Variants in ENOX1 observed in about 807,000 individuals in gnomAD.
ENOX1 encodes candidate growth-related and time keeping constitutive hydroquinone (NADH) oxidase.
Under a neutral mutation model 82.5 loss-of-function variants are expected in ENOX1, and 42 were observed. That is an observed-to-expected ratio of 0.51 (90% CI 0.40 to 0.66). ENOX1 has a LOEUF of 0.66. ENOX1 is among the 30% of genes least tolerant of loss of function. The pLI, the probability that ENOX1 is intolerant of heterozygous loss-of-function variation, is 0.00. For missense variants in ENOX1, 608 were observed against 811.6 expected (o/e 0.75, Z 3.05); for synonymous variants, 271 against 282.2 (o/e 0.96, Z 0.40).
Position 43,635,424 on chromosome 13 carries a change from A to G in ENOX1, c.-219+32055T>C, listed in dbSNP as rs79298668. Among the ~76,000 whole-genome samples, 427 of 152,342 alleles carry G rather than the reference A, an allele frequency of 2.8e-3. 3 individuals carry two copies. The highest frequency in any genetic ancestry group is 0.01 in the African/African-American group (416 of 41,566). On this transcript the variant is annotated intron_variant, in intron 2 of 16. Transcript: ENST00000690772. ...AAAAAGCAAAGCCACAATTGTATTA[A>G]TTACTCAGCACCCGGTGCTGTTTCC...
intron 1 of ENOX1, among the ~76,000 whole-genome samples, chr13:43,737,983 T>C (rs2089714960): frequency 6.6e-6 from 1 of 152,194 alleles, no homozygotes; most frequent in African/African-American, 2.4e-5. Flanking sequence ...TTTAAACCAT[T>C]TTTGTGTCCT....
At chr13:43,661,564 G>A (rs951249743) in intron 2 of ENOX1, among the ~76,000 whole-genome samples, 1 of 152,194 alleles carries the variant, frequency 6.6e-6, no homozygotes, top group South Asian at 2.1e-4. Flanking sequence ...AATGTAATCT[G>A]CCAATACTGT....
intron 2 of ENOX1, among the ~76,000 whole-genome samples, chr13:43,653,373 C>T (rs1247078458): frequency 1.3e-5 from 2 of 152,186 alleles, no homozygotes; most frequent in Non-Finnish European, 2.9e-5. Flanking sequence ...ATCTACCTTC[C>T]TGGTTGAGAG....
At chr13:43,489,441 G>C (rs191082270) in intron 2 of ENOX1, among the ~76,000 whole-genome samples, 38 of 152,310 alleles carry the variant, frequency 2.5e-4, no homozygotes, top group African/African-American at 8.9e-4. Flanking sequence ...CTTCCGCCTA[G>C]ATTTCAAAGG....
intron 2 of ENOX1, among the ~76,000 whole-genome samples, chr13:43,604,846 GA>G (rs1172415881): frequency 6.6e-6 from 1 of 152,140 alleles, no homozygotes. Flanking sequence ...GGTTGCAGAT[GA>G]TCTGATATTT....
intron 3 of ENOX1, among the ~76,000 whole-genome samples, chr13:43,422,180 T>A (rs553323720): frequency 1.3e-5 from 2 of 152,262 alleles, no homozygotes; most frequent in South Asian, 4.1e-4. Flanking sequence ...ACTTAACAAG[T>A]CACCCTCTAA....
At chr13:43,287,683 G>C (rs548372693) in intron 12 of ENOX1, among the ~76,000 whole-genome samples, 2 of 152,134 alleles carry the variant, frequency 1.3e-5, no homozygotes, top group South Asian at 2.1e-4. Flanking sequence ...TACTCAGTGG[G>C]CCATCCTCAC....
At chr13:43,690,973 G>C (rs1396377951) in intron 1 of ENOX1, among the ~76,000 whole-genome samples, 1 of 152,190 alleles carries the variant, frequency 6.6e-6, no homozygotes, top group African/African-American at 2.4e-5. Context: ...TTGTTCAAAA[G>C]AGTATGTGAA....
At chr13:43,576,491 T>C (rs745923498) in intron 2 of ENOX1, among the ~76,000 whole-genome samples, 3 of 152,196 alleles carry the variant, frequency 2.0e-5, no homozygotes, top group Non-Finnish European at 4.4e-5. Context: ...CATGTAGCTA[T>C]TGAGCATTTA....
chr13:43,610,028 T>G, intron 2 of ENOX1: 1 of 289,904 alleles, frequency 3.4e-6, no homozygotes, highest in Middle Eastern at 1.7e-3. Context: ...CACCTTCTCA[T>G]AAGTATAAAA....
intron 11 of ENOX1, among the ~76,000 whole-genome samples, chr13:43,314,234 T>A (rs1323659900): frequency 1.3e-5 from 2 of 152,230 alleles, no homozygotes; most frequent in East Asian, 3.8e-4. Flanking sequence ...GAAGGGTCTC[T>A]AAGCCATTTA....
At chr13:43,740,480 A>T (rs1204441668) in intron 1 of ENOX1, among the ~76,000 whole-genome samples, 3 of 149,222 alleles carry the variant, frequency 2.0e-5, no homozygotes, top group East Asian at 1.9e-4. Flanking sequence ...AACATTTTTT[A>T]TTTTTTTTTA....
At chr13:43,670,030 A>G (rs957646491) in intron 1 of ENOX1, among the ~76,000 whole-genome samples, 7 of 152,068 alleles carry the variant, frequency 4.6e-5, no homozygotes, top group African/African-American at 7.2e-5. Flanking sequence ...CTTTCTGCAT[A>G]TCCCCCAAAC....
At chr13:43,501,792 CA>C (rs201805701) in intron 2 of ENOX1, among the ~76,000 whole-genome samples, 27 of 125,602 alleles carry the variant, frequency 2.1e-4, no homozygotes, top group East Asian at 1.1e-3. Context: ...CCTACCTTAA[CA>C]AAAAAAAAAA....
intron 3 of ENOX1, among the ~76,000 whole-genome samples, chr13:43,453,077 G>T (rs2057050517): frequency 6.6e-6 from 1 of 152,170 alleles, no homozygotes; most frequent in Non-Finnish European, 1.5e-5. Context: ...ATCATTATTT[G>T]TGGACTTCCT....
chr13:43,570,276 A>C, intron 2 of ENOX1, among the ~76,000 whole-genome samples: 1 of 152,156 alleles, frequency 6.6e-6, no homozygotes, highest in South Asian at 2.1e-4. Flanking sequence ...TAGAGTTAGG[A>C]AAGGGGTTTG....
intron 5 of ENOX1, among the ~76,000 whole-genome samples, chr13:43,386,615 G>T (rs1355563151): frequency 6.6e-6 from 1 of 152,154 alleles, no homozygotes; most frequent in Non-Finnish European, 1.5e-5. Flanking sequence ...ACCCATTGTT[G>T]ACTTGGATGT....
At chr13:43,338,409 C>T (rs537221705) in intron 9 of ENOX1, among the ~76,000 whole-genome samples, 10 of 152,220 alleles carry the variant, frequency 6.6e-5, no homozygotes, top group African/African-American at 2.4e-4. Flanking sequence ...TAAGAAATGA[C>T]ATAAAGATGA....
intron 16 of ENOX1, among the ~76,000 whole-genome samples, chr13:43,223,294 C>G (rs2041879467): frequency 6.6e-6 from 1 of 152,172 alleles, no homozygotes; most frequent in Admixed American, 6.5e-5. Flanking sequence ...TCTAGCTTCT[C>G]TGTTTTGCTT....
Sources: allele counts gnomAD v4.1 joint callset (sites outside exome capture counted in the v4.1 genomes callset), GRCh38; gene constraint gnomAD v4.1.1; transcripts MANE v1.5; gene names NCBI Gene and HGNC (gene_info 2026-07-23, HGNC 2026-07-21).